Variants in LMX1A observed in about 807,000 individuals in gnomAD.
LMX1A encodes LIM homeobox transcription factor 1-alpha.
In LMX1A, 15 loss-of-function variants were observed where a neutral mutation model predicts 49.1. The observed-to-expected ratio is 0.31, with a 90% CI of 0.20 to 0.47. The LOEUF (loss-of-function observed/expected upper bound fraction) is 0.47, where lower values mean the gene tolerates loss of function less well. Among genes scored for constraint, LMX1A ranks in the 20% least tolerant of loss-of-function variants. The pLI is 1.00. For missense variants in LMX1A, 372 were observed against 475.8 expected (o/e 0.78, Z 2.03); for synonymous variants, 167 against 185.7 (o/e 0.90, Z 0.82).
chr1:165,316,214 A>G (rs1014673152), intron 3 of LMX1A, among the ~76,000 whole-genome samples: 1 of 151,996 alleles, frequency 6.6e-6, no homozygotes, highest in African/African-American at 2.4e-5. Flanking sequence ...TGTGTGAGAC[A>G]CAGTGCACAC....
chr1:165,231,986 G>T (rs971589822), intron 4 of LMX1A, among the ~76,000 whole-genome samples: 1 of 152,208 alleles, frequency 6.6e-6, no homozygotes, highest in African/African-American at 2.4e-5. Flanking sequence ...AGGTACTCTT[G>T]AGAGCATTCT....
chr1:165,259,164 T>G (rs1182786862), intron 3 of LMX1A, among the ~76,000 whole-genome samples: 3 of 152,214 alleles, frequency 2.0e-5, no homozygotes, highest in Non-Finnish European at 4.4e-5. Flanking sequence ...CCCTCATTAT[T>G]ATAACAAATC....
chr1:165,288,700 G>A (rs912502300), intron 3 of LMX1A, among the ~76,000 whole-genome samples: 1 of 152,208 alleles, frequency 6.6e-6, no homozygotes, highest in African/African-American at 2.4e-5. Context: ...GTGTGTGTGC[G>A]TGTGTATGCG....
intron 3 of LMX1A, among the ~76,000 whole-genome samples, chr1:165,337,907 T>TGTGTGTGTGTGTGTGTGTGTGTGTGTG (rs1553213782): frequency 2.0e-5 from 3 of 151,622 alleles, no homozygotes; most frequent in Non-Finnish European, 4.4e-5. Context: ...TGTGTGTGTG[T>TGTGTGTGTGTGTGTGTGTGTGTGTGTG]TACTACCCCA....
rs1014346871 is a variant in LMX1A, at chr1:165,274,243, C to T, written c.264-24603G>A. ...CATCCATTGCCAATACCTCTACACACGTATGTATTTGCACTTTAATCTTTG... is the reference window on the plus strand; with the variant it reads ...CATCCATTGCCAATACCTCTACACATGTATGTATTTGCACTTTAATCTTTG... On this transcript the variant is annotated intron_variant, in intron 3 of 8. Coordinates refer to ENST00000342310, the MANE Select transcript of LMX1A (RefSeq NM_177398.4). Among the ~76,000 whole-genome samples, 8 of 152,182 alleles carry T rather than the reference C, an allele frequency of 5.3e-5. No homozygotes were observed. The South Asian group carries it at 6.2e-4, about 12-fold the overall frequency.
At chr1:165,276,680 G>A (rs1048732444) in intron 3 of LMX1A, among the ~76,000 whole-genome samples, 4 of 151,730 alleles carry the variant, frequency 2.6e-5, no homozygotes, top group African/African-American at 9.7e-5. Flanking sequence ...AAAAAATTAA[G>A]TGTGGCTGAT....
intron 3 of LMX1A, among the ~76,000 whole-genome samples, chr1:165,331,849 G>A (rs1655751825): frequency 6.6e-6 from 1 of 152,068 alleles, no homozygotes; most frequent in South Asian, 2.1e-4. Context: ...CCCAGGAGGT[G>A]GAAGTTGCAG....
intron 3 of LMX1A, among the ~76,000 whole-genome samples, chr1:165,276,368 G>A (rs1486435611): frequency 6.6e-6 from 1 of 152,168 alleles, no homozygotes; most frequent in Non-Finnish European, 1.5e-5. Flanking sequence ...AATGATTCCA[G>A]CTGAGGCAGC....
At chr1:165,207,309 C>CT (rs937873945) in intron 7 of LMX1A, among the ~76,000 whole-genome samples, 51 of 148,066 alleles carry the variant, frequency 3.4e-4, no homozygotes, top group African/African-American at 7.1e-4. Flanking sequence ...AGTAACTCTT[C>CT]TTTTTTTTTT....
At chr1:165,250,108 G>GA (rs1027478867) in intron 3 of LMX1A, among the ~76,000 whole-genome samples, 8 of 152,094 alleles carry the variant, frequency 5.3e-5, no homozygotes, top group African/African-American at 1.9e-4. Context: ...AGAGCATTAG[G>GA]AAAAATAGCT....
At chr1:165,328,909 G>T (rs1449862732) in intron 3 of LMX1A, among the ~76,000 whole-genome samples, 1 of 152,114 alleles carries the variant, frequency 6.6e-6, no homozygotes, top group Admixed American at 6.5e-5. Context: ...ACAAAATGAT[G>T]CTCATTGTGG....
intron 4 of LMX1A, among the ~76,000 whole-genome samples, chr1:165,223,848 A>C (rs1651942645): frequency 6.6e-6 from 1 of 152,144 alleles, no homozygotes; most frequent in Non-Finnish European, 1.5e-5. Context: ...ACCCATATAA[A>C]GATTCTGTTT....
intron 3 of LMX1A, among the ~76,000 whole-genome samples, chr1:165,316,481 C>T (rs956796854): frequency 1.3e-5 from 2 of 152,158 alleles, no homozygotes; most frequent in African/African-American, 4.8e-5. Flanking sequence ...CACTAGCAAC[C>T]TCATGATGGG....
chr1:165,237,385 G>C (rs1301915655), intron 4 of LMX1A, among the ~76,000 whole-genome samples: 3 of 152,014 alleles, frequency 2.0e-5, no homozygotes, highest in Non-Finnish European at 2.9e-5. Context: ...CACCACACCC[G>C]GCTAATTTTT....
At chr1:165,338,425 G>A (rs760735954) in intron 3 of LMX1A, among the ~76,000 whole-genome samples, 14 of 152,186 alleles carry the variant, frequency 9.2e-5, no homozygotes, top group Non-Finnish European at 1.6e-4. Context: ...GAAAGGGGCC[G>A]GTGATGGAGA....
chr1:165,254,890 C>T (rs188457040), intron 3 of LMX1A, among the ~76,000 whole-genome samples: 2 of 152,332 alleles, frequency 1.3e-5, no homozygotes, highest in East Asian at 3.9e-4. Flanking sequence ...CATAAATTCT[C>T]CTACCCCTGA....
chr1:165,352,943 G>T, intron 3 of LMX1A, 133 bp downstream of exon 3: 1 of 941,764 alleles, frequency 1.1e-6, no homozygotes, highest in Non-Finnish European at 1.6e-6. Context: ...ACACGACTGC[G>T]CTGAAGGGAA....
At chr1:165,322,470 T>C (rs1448598818) in intron 3 of LMX1A, among the ~76,000 whole-genome samples, 2 of 152,178 alleles carry the variant, frequency 1.3e-5, no homozygotes, top group African/African-American at 2.4e-5. Flanking sequence ...GGTGTGTATA[T>C]ATACGGTGGA....
intron 3 of LMX1A, among the ~76,000 whole-genome samples, chr1:165,286,022 G>T (rs545062868): frequency 6.6e-6 from 1 of 152,178 alleles, no homozygotes; most frequent in East Asian, 1.9e-4. Context: ...GGGGAGGCAA[G>T]ACCCCTGAGT....
Sources: allele counts gnomAD v4.1 joint callset (sites outside exome capture counted in the v4.1 genomes callset), GRCh38; gene constraint gnomAD v4.1.1; transcripts MANE v1.5; gene names NCBI Gene and HGNC (gene_info 2026-07-23, HGNC 2026-07-21).